Variants in CNOT10 observed in about 807,000 individuals in gnomAD.
The protein encoded by CNOT10 is CCR4-NOT transcription complex subunit 10.
In CNOT10, 30 loss-of-function variants were observed where a neutral mutation model predicts 94.6. The observed-to-expected ratio is 0.32, with a 90% CI of 0.24 to 0.43. The LOEUF is 0.43. Among genes scored for constraint, CNOT10 ranks in the 20% least tolerant of loss-of-function variants. CNOT10 has a pLI of 1.00. For missense variants in CNOT10, 759 were observed against 877.2 expected (o/e 0.87, Z 1.70); for synonymous variants, 289 against 301.6 (o/e 0.96, Z 0.43).
chr3:32,694,887 C>G (rs188786981), intron 1 of CNOT10, among the ~76,000 whole-genome samples: 1 of 152,172 alleles, frequency 6.6e-6, no homozygotes, highest in Admixed American at 6.6e-5. Context: ...CCGCGCCCAG[C>G]CTAACTTTTA....
intron 10 of CNOT10, among the ~76,000 whole-genome samples, chr3:32,730,059 C>T (rs1175177785): frequency 2.0e-5 from 3 of 152,020 alleles, no homozygotes; most frequent in Non-Finnish European, 2.9e-5. Flanking sequence ...TGAGCCACCG[C>T]GCCCGGCCCA....
At chr3:32,700,920 A>C (rs1405282138) in intron 1 of CNOT10, among the ~76,000 whole-genome samples, 1 of 152,200 alleles carries the variant, frequency 6.6e-6, no homozygotes, top group African/African-American at 2.4e-5. Context: ...AGATAGTAAA[A>C]TATAAAAGGC....
At chr3:32,691,516 C>A (rs982900831) in intron 1 of CNOT10, among the ~76,000 whole-genome samples, 4 of 151,890 alleles carry the variant, frequency 2.6e-5, no homozygotes, top group African/African-American at 9.7e-5. Context: ...CATGTTGGCC[C>A]GGCTGGTCTT....
chr3:32,710,276 CTT>C (rs990169638), intron 4 of CNOT10, among the ~76,000 whole-genome samples: 3 of 138,642 alleles, frequency 2.2e-5, no homozygotes, highest in Non-Finnish European at 3.1e-5. Flanking sequence ...TCTTTTATGG[CTT>C]TTTTTTTTTT....
At chr3:32,762,057 C>T (rs555108206) in intron 14 of CNOT10, among the ~76,000 whole-genome samples, 1 of 151,320 alleles carries the variant, frequency 6.6e-6, no homozygotes, top group African/African-American at 2.4e-5. Flanking sequence ...AGGCATGAGC[C>T]ACCATGCTCA....
chr3:32,747,840 C>T (rs1188404842), intron 13 of CNOT10, among the ~76,000 whole-genome samples: 1 of 152,086 alleles, frequency 6.6e-6, no homozygotes, highest in Non-Finnish European at 1.5e-5. Flanking sequence ...CCCAGCTCCT[C>T]GGGAGGCTGA....
chr3:32,685,337 A>C lies in CNOT10; in HGVS notation c.-124A>C, dbSNP rs1696548288. 6.9e-6 allele frequency: 8 copies of C among 1,154,228 alleles called. No homozygotes were observed. Among genetic ancestry groups the C allele is most frequent in the Middle Eastern group, 2.1e-4 (1 of 4,836 alleles). 71.5% of individuals were successfully genotyped at this position (1,154,228 alleles called of 1,614,324 possible). A position where few individuals can be genotyped will look rare whatever the true frequency, so the allele number is the denominator to read the frequency against. On this transcript the variant is annotated 5_prime_UTR_variant, in exon 1 of 19. Coordinates refer to ENST00000328834, the MANE Select transcript of CNOT10 (RefSeq NM_015442.3). ...CCGTCTGCCCACTCCTCTAGCCGGA[A>C]CCTGGGGGCCCGGAGCCGGGGTAGG...
At chr3:32,736,200 C>T (rs1002783951) in intron 12 of CNOT10, among the ~76,000 whole-genome samples, 4 of 152,140 alleles carry the variant, frequency 2.6e-5, no homozygotes, top group African/African-American at 9.7e-5. Context: ...ATTCTCCTGC[C>T]TCAACCCCCT....
intron 8 of CNOT10, among the ~76,000 whole-genome samples, chr3:32,721,257 G>T (rs2125551113): frequency 6.6e-6 from 1 of 150,638 alleles, no homozygotes; most frequent in African/African-American, 2.4e-5. Context: ...TAGAGACAAG[G>T]TTTCCATGTT....
chr3:32,716,757 C>T (rs745756151), intron 6 of CNOT10, among the ~76,000 whole-genome samples: 1 of 152,148 alleles, frequency 6.6e-6, no homozygotes, highest in Non-Finnish European at 1.5e-5. Flanking sequence ...AAGCGATTCT[C>T]CTGCCTCAGC....
Position 32,773,615 on chromosome 3 carries a change from T to A in CNOT10, c.*4T>A. The A allele has an allele frequency of 6.2e-7, 1 of 1,602,420 alleles. No homozygotes were observed. The highest frequency in any genetic ancestry group is 8.5e-7 in the Non-Finnish European group (1 of 1,174,888). On this transcript the variant is annotated 3_prime_UTR_variant, in exon 19 of 19. Coordinates refer to ENST00000328834, the MANE Select transcript of CNOT10 (RefSeq NM_015442.3). ...CACCACTGTGCAGAGAAAGTGATACTTCACTTTTGGAAAACTGTTACCTGA... is the reference window on the plus strand; with the variant it reads ...CACCACTGTGCAGAGAAAGTGATACATCACTTTTGGAAAACTGTTACCTGA...
intron 1 of CNOT10, among the ~76,000 whole-genome samples, chr3:32,687,453 T>TTTTTTTTTTTTTTTTTTTTTG (rs1696664825): frequency 1.7e-5 from 1 of 57,236 alleles, no homozygotes; most frequent in African/African-American, 6.8e-5. Flanking sequence ...TTTTTTTTTG[T>TTTTTTTTTTTTTTTTTTTTTG]TTTTTTTTTT....
chr3:32,764,303 CT>C, intron 15 of CNOT10, 151 bp from the exon 16 acceptor site: 1 of 713,044 alleles, frequency 1.4e-6, no homozygotes. Context: ...TGCCCCTGCA[CT>C]CCAGCCTGGG....
intron 15 of CNOT10, among the ~76,000 whole-genome samples, chr3:32,763,472 G>A (rs1700537083): frequency 6.6e-6 from 1 of 151,982 alleles, no homozygotes; most frequent in South Asian, 2.1e-4. Flanking sequence ...CCAACATAGT[G>A]AAACCCCGTC....
chr3:32,711,279 G>A (rs921814287), intron 4 of CNOT10, among the ~76,000 whole-genome samples: 2 of 152,062 alleles, frequency 1.3e-5, no homozygotes, highest in African/African-American at 4.8e-5. Flanking sequence ...ATAAAATGGT[G>A]TAGTATTTAC....
chr3:32,743,603 C>T (rs537229344), intron 13 of CNOT10, among the ~76,000 whole-genome samples: 1 of 152,116 alleles, frequency 6.6e-6, no homozygotes, highest in African/African-American at 2.4e-5. Context: ...CACTATACTC[C>T]AGCCTGGGAG....
intron 13 of CNOT10, among the ~76,000 whole-genome samples, chr3:32,746,856 A>G (rs919222736): frequency 3.5e-5 from 5 of 141,094 alleles, no homozygotes; most frequent in Admixed American, 7.2e-5. Context: ...AAAAAAAAAA[A>G]AGATATGCAC....
At chr3:32,728,394 G>GTGGATCA (rs1698782179) in intron 10 of CNOT10, among the ~76,000 whole-genome samples, 1 of 152,086 alleles carries the variant, frequency 6.6e-6, no homozygotes, top group African/African-American at 2.4e-5. Flanking sequence ...GCTGAGGCGG[G>GTGGATCA]TGGATCACTT....
Position 32,709,872 on chromosome 3 carries a change from C to T in CNOT10, c.430+1052C>T, listed in dbSNP as rs181530155. ...GCTATTAAAATATAAATATGCCCAG[C>T]GCAGTGGCTCACGCCTGTAATCCCA... On this transcript the variant is annotated intron_variant, in intron 4 of 18. Coordinates refer to ENST00000328834, the MANE Select transcript of CNOT10 (RefSeq NM_015442.3). 2.8e-4 allele frequency among the ~76,000 whole-genome samples: 42 copies of T among 152,196 alleles called. No individual in the cohort carries two copies. The East Asian group carries it at 7.0e-3, about 25-fold the overall frequency.
Sources: allele counts gnomAD v4.1 joint callset (sites outside exome capture counted in the v4.1 genomes callset), GRCh38; gene constraint gnomAD v4.1.1; transcripts MANE v1.5; gene names NCBI Gene and HGNC (gene_info 2026-07-23, HGNC 2026-07-21).